Variants in KDM7A observed in about 807,000 individuals in gnomAD.
KDM7A encodes lysine-specific demethylase 7A.
KDM7A carries 28 observed loss-of-function variants against 114.8 expected under a neutral mutation model. The ratio of observed to expected loss-of-function variants is 0.24; its 90% confidence interval spans 0.18 to 0.33. KDM7A has a LOEUF of 0.33. Among genes scored for constraint, KDM7A ranks in the 10% least tolerant of loss-of-function variants. The pLI is 1.00. For synonymous variants in KDM7A, 423 were observed against 397.8 expected (o/e 1.06, Z -0.75); for missense variants, 942 against 1,142.5 (o/e 0.82, Z 2.53).
Position 140,176,970 on chromosome 7 carries a change from T to C in KDM7A, c.-33A>G. The C allele has an allele frequency of 7.3e-6, 8 of 1,096,260 alleles. No individual in the cohort carries two copies. Among genetic ancestry groups the C allele is most frequent in the Non-Finnish European group, 8.9e-6 (8 of 901,020 alleles). 67.9% of individuals were successfully genotyped at this position (1,096,260 alleles called of 1,614,324 possible). A position where few individuals can be genotyped will look rare whatever the true frequency, so the allele number is the denominator to read the frequency against. On this transcript the variant is annotated 5_prime_UTR_variant, in exon 1 of 20. Transcript: ENST00000397560. The surrounding 1 kb of genome is among the most constrained non-coding windows in gnomAD (Gnocchi z 4.4). ...AAACACACACACGCTCGCTCGCTAC[T>C]CCGCTCGCCGACTGGAGCGAGCGCA... is the stretch of plus-strand genomic sequence containing the variant.
Position 140,094,115 on chromosome 7 carries a change from G to C in KDM7A, c.2398C>G (p.Pro800Ala). ...ATCCAGGAGGAAGTCCTCAAGTCTG[G>C]ATCTTCAGTCTTGACATGGTATCCT... ...ECGYHVKTED[P>A]DLRTSSWIKQ... Residue 800 changes from proline (P) to alanine (A), a missense_variant, in exon 18 of 20, where the codon CCA becomes GCA. This residue lies in a region of KDM7A where 512 missense variants were observed against 576.6 expected (regional missense o/e 0.89). Coordinates refer to ENST00000397560, the MANE Select transcript of KDM7A (RefSeq NM_030647.2). 1 of 1,597,810 alleles carries C rather than the reference G, an allele frequency of 6.3e-7. No individual in the cohort carries two copies. Among genetic ancestry groups the C allele is most frequent in the South Asian group, 1.1e-5 (1 of 90,746 alleles).
At chr7:140,150,428 T>G (rs1239561015) in intron 1 of KDM7A, among the ~76,000 whole-genome samples, 1 of 152,198 alleles carries the variant, frequency 6.6e-6, no homozygotes, top group South Asian at 2.1e-4. Flanking sequence ...TAGAATCCCC[T>G]ACAAGCTTCT....
chr7:140,151,865 A>T (rs1372146640), intron 1 of KDM7A, among the ~76,000 whole-genome samples: 2 of 152,254 alleles, frequency 1.3e-5, no homozygotes, highest in Non-Finnish European at 2.9e-5. Context: ...TTGCAAGTAC[A>T]GAAGGGAAAG....
chr7:140,173,997 C>T (rs868774695), intron 1 of KDM7A, among the ~76,000 whole-genome samples: 24 of 152,004 alleles, frequency 1.6e-4, no homozygotes, highest in Admixed American at 5.2e-4. Flanking sequence ...AATCCCGTTC[C>T]TACTAAAAAT....
At chr7:140,103,080 G>A (rs776652651) in intron 11 of KDM7A, among the ~76,000 whole-genome samples, 6 of 151,946 alleles carry the variant, frequency 3.9e-5, no homozygotes, top group Non-Finnish European at 5.9e-5. Flanking sequence ...CTTCTCATCT[G>A]CACAAACTGA....
intron 12 of KDM7A, 119 bp downstream of exon 12, chr7:140,101,832 T>C: frequency 2.8e-6 from 2 of 708,106 alleles, no homozygotes; most frequent in East Asian, 2.5e-5. Flanking sequence ...GGTTGATCCC[T>C]ACAATGCTGC....
intron 11 of KDM7A, among the ~76,000 whole-genome samples, chr7:140,104,037 T>A (rs1190786709): frequency 6.6e-6 from 1 of 152,260 alleles, no homozygotes; most frequent in African/African-American, 2.4e-5. Flanking sequence ...ATTGTGGTTT[T>A]GATTTGCGTT....
At chr7:140,105,415 G>A (rs1818317050) in intron 11 of KDM7A, among the ~76,000 whole-genome samples, 1 of 152,130 alleles carries the variant, frequency 6.6e-6, no homozygotes, top group South Asian at 2.1e-4. Context: ...TATGATATTG[G>A]CTGTGAGTTT....
intron 1 of KDM7A, among the ~76,000 whole-genome samples, chr7:140,172,245 T>C (rs1794653323): frequency 6.6e-6 from 1 of 152,238 alleles, no homozygotes; most frequent in African/African-American, 2.4e-5. Flanking sequence ...TGCCAGGTCT[T>C]CTTCTAAGTG....
chr7:140,142,406 C>A (rs1794294027), intron 1 of KDM7A, among the ~76,000 whole-genome samples: 1 of 150,606 alleles, frequency 6.6e-6, no homozygotes, highest in Admixed American at 6.6e-5. Context: ...ATATACTGAA[C>A]TCCTATAAAT....
chr7:140,140,356 A>G (rs1015322731), intron 1 of KDM7A, among the ~76,000 whole-genome samples: 1 of 152,222 alleles, frequency 6.6e-6, no homozygotes, highest in Non-Finnish European at 1.5e-5. Context: ...AAAATTCAAC[A>G]TTTATGTTTG....
intron 12 of KDM7A, among the ~76,000 whole-genome samples, chr7:140,100,717 T>TATATATATATATATACACAC (rs1818203271): frequency 1.9e-5 from 1 of 53,270 alleles, no homozygotes; most frequent in Non-Finnish European, 3.8e-5. Flanking sequence ...TACACATATA[T>TATATATATATATATACACAC]ATATATATAT....
chr7:140,167,127 G>A (rs1794585345), intron 1 of KDM7A, among the ~76,000 whole-genome samples: 2 of 152,030 alleles, frequency 1.3e-5, no homozygotes, highest in South Asian at 4.1e-4. Context: ...AAATAAAAGA[G>A]GTAATACTAT....
intron 1 of KDM7A, among the ~76,000 whole-genome samples, chr7:140,175,850 C>G (rs1794698990): frequency 6.6e-6 from 1 of 152,070 alleles, no homozygotes; most frequent in Non-Finnish European, 1.5e-5. Flanking sequence ...CAGGCGGTCC[C>G]GGTGTCGCCA....
intron 11 of KDM7A, among the ~76,000 whole-genome samples, chr7:140,109,566 G>A (rs1202158270): frequency 1.3e-5 from 2 of 152,188 alleles, no homozygotes; most frequent in Non-Finnish European, 2.9e-5. Flanking sequence ...ACCTGTTTGA[G>A]TCCCTGCTAT....
chr7:140,143,141 C>T (rs952102616), intron 1 of KDM7A, among the ~76,000 whole-genome samples: 3 of 146,472 alleles, frequency 2.0e-5, no homozygotes, highest in Non-Finnish European at 4.5e-5. Flanking sequence ...GATGGTGCCA[C>T]TGCACTCCAG....
At chr7:140,101,917 GTTTC>G in intron 12 of KDM7A, 30 bp downstream of exon 12, 9 of 1,432,168 alleles carry the variant, frequency 6.3e-6, no homozygotes, top group South Asian at 1.2e-5. Flanking sequence ...GAACAGCCAA[GTTTC>G]TTTTTGTTGT....
chr7:140,114,629 A>G (rs1818487794), intron 9 of KDM7A, among the ~76,000 whole-genome samples: 1 of 147,994 alleles, frequency 6.8e-6, no homozygotes, highest in African/African-American at 2.6e-5. Context: ...CTGGCCGCCC[A>G]TCATCTGGGA....
At chr7:140,139,516 A>G (rs1457444710) in intron 1 of KDM7A, among the ~76,000 whole-genome samples, 1 of 152,222 alleles carries the variant, frequency 6.6e-6, no homozygotes, top group Non-Finnish European at 1.5e-5. Context: ...ATCAAAAGAT[A>G]AATCATATTA....
Sources: allele counts gnomAD v4.1 joint callset (sites outside exome capture counted in the v4.1 genomes callset), GRCh38; gene constraint gnomAD v4.1.1; regional missense constraint gnomAD v4.1.1; non-coding constraint Gnocchi (gnomAD v3.1); transcripts MANE v1.5; gene names NCBI Gene and HGNC (gene_info 2026-07-23, HGNC 2026-07-21).